RALGPS1: variants seen among roughly 807,000 people sequenced by gnomAD.
RALGPS1 encodes ras-specific guanine nucleotide-releasing factor RalGPS1.
RALGPS1 carries 19 observed loss-of-function variants against 78.8 expected under a neutral mutation model. The ratio of observed to expected loss-of-function variants is 0.24; its 90% CI spans 0.17 to 0.35. The LOEUF (loss-of-function observed/expected upper bound fraction) is 0.35, where lower values mean the gene tolerates loss of function less well. Ranked by LOEUF, RALGPS1 falls within the 10% of genes least tolerant of loss-of-function variation. RALGPS1 has a pLI of 1.00. For missense variants in RALGPS1, 454 were observed against 688.3 expected, an observed-to-expected ratio of 0.66 and a Z score of 3.81; for synonymous variants, 228 against 256.3, an observed-to-expected ratio of 0.89 and a Z score of 1.06.
At chr9:127,059,366 A>G (rs1484098516) in intron 7 of RALGPS1, among the ~76,000 whole-genome samples, 1 of 152,194 alleles carries the variant, frequency 6.6e-6, no homozygotes, top group Non-Finnish European at 1.5e-5. Flanking sequence ...ACACATCCTC[A>G]TCATTCCTCA....
chr9:127,071,263 G>A (rs1421628932), intron 8 of RALGPS1, among the ~76,000 whole-genome samples: 1 of 151,872 alleles, frequency 6.6e-6, no homozygotes, highest in Non-Finnish European at 1.5e-5. Context: ...TTAAATTTTG[G>A]ATTTGTTTTC....
intron 14 of RALGPS1, among the ~76,000 whole-genome samples, chr9:127,199,467 G>A (rs1022186395): frequency 1.2e-4 from 19 of 152,028 alleles, no homozygotes; most frequent in Admixed American, 4.6e-4. Context: ...TCAGGCCTTC[G>A]GTATTTATTG....
At chr9:126,971,386 C>A (rs1482901398) in intron 3 of RALGPS1, among the ~76,000 whole-genome samples, 2 of 149,506 alleles carry the variant, frequency 1.3e-5, no homozygotes, top group Non-Finnish European at 3.0e-5. Context: ...TTACAAACTA[C>A]TGGGTTTTAA....
intron 8 of RALGPS1, among the ~76,000 whole-genome samples, chr9:127,119,356 A>G (rs752202357): frequency 1.1e-4 from 16 of 152,202 alleles, no homozygotes; most frequent in Non-Finnish European, 2.2e-4. Flanking sequence ...ACAGCAACCA[A>G]AGCAGATGTG....
intron 3 of RALGPS1, among the ~76,000 whole-genome samples, chr9:126,970,323 C>T (rs1022241576): frequency 1.3e-5 from 2 of 152,178 alleles, no homozygotes; most frequent in African/African-American, 4.8e-5. Flanking sequence ...GCAGAATAAG[C>T]ACTGGGGTAT....
At chr9:127,088,927 G>C (rs377418491) in intron 8 of RALGPS1, 74 of 1,614,084 alleles carry the variant, frequency 4.6e-5, no homozygotes, top group East Asian at 1.3e-4. Flanking sequence ...GAGGTCAGGA[G>C]GGGGAGCTGG....
intron 8 of RALGPS1, among the ~76,000 whole-genome samples, chr9:127,163,421 C>G (rs1588262479): frequency 6.6e-6 from 1 of 152,222 alleles, no homozygotes; most frequent in East Asian, 1.9e-4. Context: ...TGGAGCTTCT[C>G]TACAAGGGAA....
At chr9:127,090,979 T>G (rs1486517737) in intron 8 of RALGPS1, among the ~76,000 whole-genome samples, 2 of 152,376 alleles carry the variant, frequency 1.3e-5, no homozygotes, top group African/African-American at 2.4e-5. Context: ...AGACCTAGAT[T>G]TGAAGCATGT....
chr9:126,960,219 C>CTCTT (rs1554765761), intron 1 of RALGPS1, among the ~76,000 whole-genome samples: 4 of 85,782 alleles, frequency 4.7e-5, no homozygotes, highest in African/African-American at 1.7e-4. Context: ...CTCCCTCCCT[C>CTCTT]CCTTCCTTCC....
chr9:127,090,936 C>T (rs2052393906), intron 8 of RALGPS1, among the ~76,000 whole-genome samples: 1 of 152,154 alleles, frequency 6.6e-6, no homozygotes. Flanking sequence ...GTTTTTTTCT[C>T]TTGTTTTTTG....
chr9:127,043,201 A>G (rs1234004825), intron 5 of RALGPS1, among the ~76,000 whole-genome samples: 1 of 152,212 alleles, frequency 6.6e-6, no homozygotes, highest in Non-Finnish European at 1.5e-5. Flanking sequence ...GACTCACTCT[A>G]CCTGATTTCA....
chr9:127,041,666 A>G (rs889092735), intron 5 of RALGPS1, among the ~76,000 whole-genome samples: 1 of 152,188 alleles, frequency 6.6e-6, no homozygotes. Flanking sequence ...GCATGTAAGT[A>G]TTACAGTGAC....
intron 3 of RALGPS1, among the ~76,000 whole-genome samples, chr9:126,973,751 A>G (rs925831359): frequency 2.6e-5 from 4 of 152,016 alleles, no homozygotes; most frequent in Non-Finnish European, 4.4e-5. Flanking sequence ...ACAACTCCCC[A>G]TTCCCTCTCC....
intron 1 of RALGPS1, among the ~76,000 whole-genome samples, chr9:126,953,101 C>T (rs558063101): frequency 1.1e-4 from 16 of 152,060 alleles, no homozygotes; most frequent in Non-Finnish European, 1.9e-4. Flanking sequence ...TTCTTGGTTT[C>T]CTGAACCTGA....
At position 127,091,897 on chromosome 9, in the gene RALGPS1, T is replaced by G; in HGVS notation, c.610+22541T>G. ...TTGGTTCGTCAGCCAGTAAATGTTC[T>G]CCAGGCCCAGCCAGTATTCGCCGTC... On this transcript the variant is annotated intron_variant, in intron 8 of 18. Transcript: ENST00000259351. This position sits in a 1 kb window ranked among gnomAD's most constrained non-coding sequence, Gnocchi z 4.3. 1 of 1,614,134 alleles carries G rather than the reference T, an allele frequency of 6.2e-7. No individual in the cohort carries two copies. The highest frequency in any genetic ancestry group is 8.5e-7 in the Non-Finnish European group (1 of 1,180,028).
At chr9:126,961,585 C>T (rs1317673108) in intron 1 of RALGPS1, among the ~76,000 whole-genome samples, 2 of 152,156 alleles carry the variant, frequency 1.3e-5, no homozygotes, top group African/African-American at 4.8e-5. Context: ...GGGAGGATTG[C>T]TTGAGCTCAG....
At chr9:127,051,166 G>A (rs1684344177) in intron 6 of RALGPS1, among the ~76,000 whole-genome samples, 1 of 152,220 alleles carries the variant, frequency 6.6e-6, no homozygotes, top group East Asian at 1.9e-4. Flanking sequence ...TTCTCCTGAA[G>A]TACTTGGAAC....
chr9:127,212,934 T>A lies in RALGPS1; in HGVS notation c.1447-10T>A, dbSNP rs1337045617. The A allele has an allele frequency of 6.2e-7, 1 of 1,614,050 alleles. No individual in the cohort carries two copies. Among genetic ancestry groups the A allele is most frequent in the Non-Finnish European group, 8.5e-7 (1 of 1,179,988 alleles). ...CCCCGGTCTCCGGATGTGTTGTTGC[T>A]CTCCTCCAGTATAAATCCACACCTG... On this transcript the variant is annotated splice_polypyrimidine_tract_variant and intron_variant, in intron 16 of 18. Transcript: ENST00000259351. The surrounding 1 kb of genome is among the most constrained non-coding windows in gnomAD (Gnocchi z 6.0).
intron 1 of RALGPS1, among the ~76,000 whole-genome samples, chr9:126,920,322 C>CTG (rs1206866408): frequency 2.0e-5 from 3 of 152,180 alleles, no homozygotes; most frequent in Non-Finnish European, 4.4e-5. Context: ...CAGGCATGTG[C>CTG]TGTGCTATAT....
Sources: gnomAD v4.1 joint callset for allele counts (sites outside exome capture counted in the v4.1 genomes callset) on GRCh38, gnomAD v4.1.1 for gene constraint, Gnocchi (gnomAD v3.1) non-coding constraint, MANE v1.5 for transcripts, NCBI Gene and HGNC (gene_info 2026-07-23, HGNC 2026-07-21) for gene names.